The following RAB27B variants were observed in gnomAD, a reference collection of about 807,000 sequenced individuals.
The protein encoded by RAB27B is ras-related protein Rab-27B.
RAB27B carries 15 observed loss-of-function variants against 24.6 expected under a neutral mutation model. The ratio of observed to expected loss-of-function variants is 0.61; its 90% CI spans 0.41 to 0.94. The LOEUF (loss-of-function observed/expected upper bound fraction) is 0.94, where lower values mean the gene tolerates loss of function less well. RAB27B is among the 40% of genes least tolerant of loss of function. RAB27B has a pLI of 0.00. For missense variants in RAB27B, 261 were observed against 266.8 expected (o/e 0.98, Z 0.15); for synonymous variants, 105 against 92.5 (o/e 1.14, Z -0.78).
chr18:54,735,698 T>G (rs923846724), intron 2 of RAB27B, among the ~76,000 whole-genome samples: 9 of 152,040 alleles, frequency 5.9e-5, no homozygotes, highest in Non-Finnish European at 1.5e-5. Flanking sequence ...TTTTTTATAT[T>G]TTTAGTAGAC....
At chr18:54,887,112 G>GT (rs971020954) in intron 4 of RAB27B, among the ~76,000 whole-genome samples, 1 of 137,190 alleles carries the variant, frequency 7.3e-6, no homozygotes, top group Non-Finnish European at 1.6e-5. Flanking sequence ...CACACATAGT[G>GT]TTTTTTGGAG....
chr18:54,723,068 CT>C (rs1272796671), intron 2 of RAB27B, among the ~76,000 whole-genome samples: 1 of 152,154 alleles, frequency 6.6e-6, no homozygotes, highest in East Asian at 1.9e-4. Context: ...ACTTTCCAAT[CT>C]TGTAAAAGAA....
chr18:54,753,348 A>G (rs920217236), intron 2 of RAB27B, among the ~76,000 whole-genome samples: 3 of 152,186 alleles, frequency 2.0e-5, no homozygotes, highest in Non-Finnish European at 4.4e-5. Flanking sequence ...CTTGTATTCT[A>G]GTACCTTGTT....
At chr18:54,831,866 C>T (rs768981403) in intron 1 of RAB27B, among the ~76,000 whole-genome samples, 43 of 152,134 alleles carry the variant, frequency 2.8e-4, no homozygotes, top group Admixed American at 6.5e-4. Context: ...ACCTCCACAT[C>T]CCGGGTTCAG....
chr18:54,731,761 A>G (rs1972591), intron 2 of RAB27B, among the ~76,000 whole-genome samples: 68,193 of 152,132 alleles, frequency 0.45, 17,171 homozygotes, highest in Middle Eastern at 0.58. Flanking sequence ...ACAAAAATGT[A>G]CTAGGTTCCA....
intron 1 of RAB27B, among the ~76,000 whole-genome samples, chr18:54,866,614 C>T (rs1415778041): frequency 6.6e-6 from 1 of 152,218 alleles, no homozygotes; most frequent in African/African-American, 2.4e-5. Context: ...CTTCTTTTAC[C>T]TGGCAGACAG....
intron 2 of RAB27B, among the ~76,000 whole-genome samples, chr18:54,777,054 TA>T (rs1174009841): frequency 1.3e-5 from 2 of 152,038 alleles, no homozygotes; most frequent in East Asian, 3.9e-4. Context: ...AAAAAAAAAT[TA>T]AAATAATAAA....
intron 2 of RAB27B, among the ~76,000 whole-genome samples, chr18:54,728,059 A>G (rs950989682): frequency 6.6e-6 from 1 of 152,188 alleles, no homozygotes; most frequent in African/African-American, 2.4e-5. Context: ...AGCCAGAAAT[A>G]GAGGGGAGAC....
chr18:54,813,818 A>G (rs1361703592), intron 2 of RAB27B, among the ~76,000 whole-genome samples: 4 of 152,196 alleles, frequency 2.6e-5, no homozygotes, highest in Non-Finnish European at 4.4e-5. Context: ...CTATACTTCA[A>G]CATCCCCAGG....
At chr18:54,720,289 A>G (rs922960621) in intron 2 of RAB27B, among the ~76,000 whole-genome samples, 1 of 152,106 alleles carries the variant, frequency 6.6e-6, no homozygotes, top group Non-Finnish European at 1.5e-5. Context: ...TTGCAGCCCA[A>G]GAGATTCAGG....
At chr18:54,736,042 T>C (rs1292155103) in intron 2 of RAB27B, among the ~76,000 whole-genome samples, 3 of 152,136 alleles carry the variant, frequency 2.0e-5, no homozygotes, top group Admixed American at 1.3e-4. Context: ...AAATATAGTA[T>C]GTATTACTTG....
At chr18:54,731,625 C>T (rs1222548459) in intron 2 of RAB27B, among the ~76,000 whole-genome samples, 3 of 152,170 alleles carry the variant, frequency 2.0e-5, no homozygotes, top group African/African-American at 7.2e-5. Flanking sequence ...AAGGCTGAGG[C>T]AGGAGAATTG....
chr18:54,747,963 C>T (rs1910306606), intron 2 of RAB27B, among the ~76,000 whole-genome samples: 1 of 151,946 alleles, frequency 6.6e-6, no homozygotes, highest in South Asian at 2.1e-4. Context: ...CAAAAATTAG[C>T]CATGCTTGGT....
At chr18:54,748,206 C>A (rs1204253073) in intron 2 of RAB27B, among the ~76,000 whole-genome samples, 1 of 152,020 alleles carries the variant, frequency 6.6e-6, no homozygotes, top group Non-Finnish European at 1.5e-5. Flanking sequence ...CATCTGAGTT[C>A]TCTTAAGAAT....
At position 54,836,306 on chromosome 18, in the gene RAB27B, G is replaced by T. The variant is rs181960647; in HGVS notation, c.-20+7606G>T. On this transcript the variant is annotated intron_variant, in intron 1 of 5. Transcript: ENST00000262094. ...TCTTCTTATCAAGTGTATTTTCCAT[G>T]GTTCTGATTCCTTACAGTTTTCACC... Among the ~76,000 whole-genome samples the T allele has an allele frequency of 9.9e-5, 15 of 151,992 alleles. No individual in the cohort carries two copies. In the South Asian group the frequency reaches 1.9e-3, roughly 19 times the overall value.
intron 2 of RAB27B, among the ~76,000 whole-genome samples, chr18:54,768,005 T>C (rs1908419091): frequency 6.6e-6 from 1 of 152,120 alleles, no homozygotes; most frequent in South Asian, 2.1e-4. Flanking sequence ...CTCCGGCTAA[T>C]AGAGACTTGG....
chr18:54,824,793 T>A (rs1233488779), upstream of RAB27B, among the ~76,000 whole-genome samples: 1 of 152,192 alleles, frequency 6.6e-6, no homozygotes, highest in Non-Finnish European at 1.5e-5. Flanking sequence ...CAAATGCACA[T>A]GTGTATCAAA....
chr18:54,742,142 C>A lies in RAB27B; in HGVS notation c.-20+24001C>A, dbSNP rs571652810. Reference sequence around the variant, plus strand: ...AGCAGTCTTATTTTTCTGATTAGGACAAATGACCAGGAGAAAGCCTTTAAG... The same window carrying A: ...AGCAGTCTTATTTTTCTGATTAGGAAAAATGACCAGGAGAAAGCCTTTAAG... On this transcript the variant is annotated intron_variant, in intron 2 of 4. Transcript: ENST00000586570. Among the ~76,000 whole-genome samples the A allele has an allele frequency of 2.0e-5, 3 of 152,254 alleles. No homozygotes were observed. In the South Asian group the frequency reaches 6.2e-4, roughly 32 times the overall value.
intron 1 of RAB27B, among the ~76,000 whole-genome samples, chr18:54,844,372 T>C: frequency 6.7e-6 from 1 of 149,526 alleles, no homozygotes; most frequent in Non-Finnish European, 1.5e-5. Context: ...GTTACTTTTA[T>C]CTCTTCTTTC....
Sources: allele counts gnomAD v4.1 joint callset (sites outside exome capture counted in the v4.1 genomes callset), GRCh38; gene constraint gnomAD v4.1.1; transcripts MANE v1.5; gene names NCBI Gene and HGNC (gene_info 2026-07-23, HGNC 2026-07-21).